Variants in ANKRD45 observed in about 807,000 individuals in gnomAD.
ANKRD45 encodes ankyrin repeat domain 45, also known as ankyrin repeat domain-containing protein 45.
In ANKRD45, 21 loss-of-function variants were observed where a neutral mutation model predicts 28.1. The observed-to-expected ratio is 0.75, with a 90% confidence interval of 0.53 to 1.08. ANKRD45 has a LOEUF of 1.08. ANKRD45 is among the 50% of genes least tolerant of loss of function. The probability of loss-of-function intolerance (pLI) is 0.00; values close to 1 mark genes in which losing one functional copy is unlikely to be tolerated. For synonymous variants in ANKRD45, 86 were observed against 103.9 expected (o/e 0.83, Z 1.05); for missense variants, 261 against 308.7 (o/e 0.85, Z 1.16).
chr1:173,710,105 A>T, the ANKRD45 span, among the ~76,000 whole-genome samples: 6 of 152,188 alleles, frequency 3.9e-5, no homozygotes, highest in Non-Finnish European at 8.8e-5. Flanking sequence ...TGAGAGGATC[A>T]CTTGAGCCCA....
intron 5 of ANKRD45, among the ~76,000 whole-genome samples, chr1:173,618,120 G>A (rs781694508): frequency 1.3e-5 from 2 of 152,092 alleles, no homozygotes; most frequent in African/African-American, 4.8e-5. Context: ...AACAAAAAAG[G>A]CCTCAAAAAA....
the ANKRD45 span, among the ~76,000 whole-genome samples, chr1:173,700,027 A>G: frequency 6.6e-6 from 1 of 152,300 alleles, no homozygotes; most frequent in East Asian, 1.9e-4. Context: ...TACACCAATA[A>G]CAGAGAAACA....
At chr1:173,707,238 T>A in the ANKRD45 span, among the ~76,000 whole-genome samples, 1 of 152,180 alleles carries the variant, frequency 6.6e-6, no homozygotes, top group African/African-American at 2.4e-5. Context: ...CATTTTTTTT[T>A]ACTACATTTA....
rs1667085052 is a variant in ANKRD45, at chr1:173,610,230, A to G, written c.731-15T>C. The G allele has an allele frequency of 4.3e-6, 7 of 1,610,550 alleles. No individual in the cohort carries two copies. Among genetic ancestry groups the G allele is most frequent in the African/African-American group, 2.7e-5 (2 of 74,856 alleles). On this transcript the variant is annotated splice_polypyrimidine_tract_variant and intron_variant, in intron 5 of 5. Transcript: ENST00000333279. ...TTTCACTTGACCTGAAAGGAAACAGATTTTAAAATTACATTTAATTAGTTT... is the reference window on the plus strand; with the variant it reads ...TTTCACTTGACCTGAAAGGAAACAGGTTTTAAAATTACATTTAATTAGTTT...
intron 5 of ANKRD45, among the ~76,000 whole-genome samples, chr1:173,614,272 A>T (rs551906858): frequency 6.6e-6 from 1 of 151,584 alleles, no homozygotes; most frequent in East Asian, 1.9e-4. Context: ...CAATAAAAAA[A>T]AAAAAATAAA....
At chr1:173,700,474 A>G in the ANKRD45 span, among the ~76,000 whole-genome samples, 8 of 152,206 alleles carry the variant, frequency 5.3e-5, no homozygotes, top group African/African-American at 1.9e-4. Context: ...CAAAACAGAG[A>G]TATAGACCAA....
chr1:173,661,058 A>G (rs1271045840), intron 1 of ANKRD45, among the ~76,000 whole-genome samples: 1 of 152,200 alleles, frequency 6.6e-6, no homozygotes, highest in African/African-American at 2.4e-5. Flanking sequence ...TTATATATAT[A>G]TATCTCAAGA....
intron 2 of ANKRD45, among the ~76,000 whole-genome samples, chr1:173,648,884 C>G (rs1669052532): frequency 6.6e-6 from 1 of 152,170 alleles, no homozygotes; most frequent in South Asian, 2.1e-4. Context: ...ATGAAGAAAC[C>G]ATAGCACAGA....
intron 5 of ANKRD45, among the ~76,000 whole-genome samples, chr1:173,610,535 T>C (rs543485869): frequency 9.2e-5 from 14 of 152,152 alleles, no homozygotes; most frequent in Admixed American, 4.6e-4. Flanking sequence ...ATTTCAGAGG[T>C]TCCATCAAGA....
chr1:173,618,168 T>C (rs1446104342), intron 5 of ANKRD45, among the ~76,000 whole-genome samples: 1 of 152,026 alleles, frequency 6.6e-6, no homozygotes, highest in Non-Finnish European at 1.5e-5. Context: ...AACTCAAAGG[T>C]AGATAAGCCC....
At chr1:173,630,842 AAAAG>A (rs1370378825) in intron 3 of ANKRD45, among the ~76,000 whole-genome samples, 2,357 of 144,950 alleles carry the variant, frequency 0.016, 55 homozygotes, top group Non-Finnish European at 0.029. Flanking sequence ...AAAAAAAAAA[AAAAG>A]AGAGAGAGAC....
chr1:173,704,408 A>C, the ANKRD45 span, among the ~76,000 whole-genome samples: 1 of 152,142 alleles, frequency 6.6e-6, no homozygotes, highest in Non-Finnish European at 1.5e-5. Context: ...GAGCCTCTTT[A>C]TTTCTTAATG....
chr1:173,612,307 GGAAGGAAGGAAA>G (rs1220253272), intron 5 of ANKRD45, among the ~76,000 whole-genome samples: 7 of 126,268 alleles, frequency 5.5e-5, no homozygotes, highest in South Asian at 2.6e-4. Flanking sequence ...AAGGAAAGAA[GGAAGGAAGGAAA>G]GAAGGAAGGA....
intron 5 of ANKRD45, among the ~76,000 whole-genome samples, chr1:173,616,685 G>A (rs767142427): frequency 5.3e-5 from 8 of 152,218 alleles, no homozygotes; most frequent in South Asian, 2.1e-4. Context: ...GGTTTTTCCC[G>A]AAATATAGAA....
At chr1:173,637,430 T>C (rs190874625) in intron 3 of ANKRD45, among the ~76,000 whole-genome samples, 3 of 152,364 alleles carry the variant, frequency 2.0e-5, no homozygotes, top group Admixed American at 2.0e-4. Flanking sequence ...CATTTTAGCA[T>C]AGGTATTTGC....
rs551643842 is a variant in ANKRD45 at position 173,669,066 on chromosome 1, C to G, written c.-16+751G>C. Among the ~76,000 whole-genome samples the G allele has an allele frequency of 3.3e-5, 5 of 152,310 alleles. No individual in the cohort carries two copies. In the South Asian group the frequency reaches 8.3e-4, roughly 25 times the overall value. On this transcript the variant is annotated intron_variant, in intron 1 of 5. Transcript: ENST00000333279. The stretch of plus-strand genomic sequence containing the variant: ...ATAGAAAATCACATAGGTCATAGCA[C>G]CTACCCCATAGGCTCTCACATTTTG...
intron 2 of ANKRD45, 71 bp downstream of exon 2, chr1:173,659,020 A>G (rs1669665758): frequency 6.5e-7 from 1 of 1,544,264 alleles, no homozygotes; most frequent in African/African-American, 1.4e-5. Context: ...AATATATCTA[A>G]CCTTAAAGAT....
Position 173,646,984 on chromosome 1 carries a change from A to G in ANKRD45, c.358T>C (p.Trp120Arg). 1.2e-6 allele frequency: 2 copies of G among 1,614,106 alleles called. No individual in the cohort carries two copies. The highest frequency in any genetic ancestry group is 1.7e-6 in the Non-Finnish European group (2 of 1,179,984). ...GCTTTCAAAGTTTCCAAACGACCCC[A>G]GGCTGCAGCACAATGTAAGAGTGTG... ...GYTLLHCAAA[W>R]GRLETLKALV... The change falls in exon 3 of 6, where the codon TGG (tryptophan) becomes CGG (arginine). Residue 120 changes from tryptophan (W) to arginine (R), a missense_variant. By Grantham distance (101) the Trp-to-Arg change is moderately radical (BLOSUM62 -3). Coordinates refer to ENST00000333279, the MANE Select transcript of ANKRD45 (RefSeq NM_198493.3).
upstream of ANKRD45, among the ~76,000 whole-genome samples, chr1:173,674,573 CAT>C (rs1319169257): frequency 6.6e-6 from 1 of 152,072 alleles, no homozygotes; most frequent in Non-Finnish European, 1.5e-5. Flanking sequence ...CATTAATCAG[CAT>C]ATGTGAGATG....
Sources: gnomAD v4.1 joint callset for allele counts (sites outside exome capture counted in the v4.1 genomes callset) on GRCh38, gnomAD v4.1.1 for gene constraint, MANE v1.5 for transcripts, NCBI Gene and HGNC (gene_info 2026-07-23, HGNC 2026-07-21) for gene names.